The following SNTG1 variants were observed in gnomAD, a reference collection of about 807,000 sequenced individuals.
SNTG1 encodes gamma-1-syntrophin.
In SNTG1, 39 loss-of-function variants were observed where a neutral mutation model predicts 74.7. That is an observed-to-expected ratio of 0.52 (90% CI 0.40 to 0.68). The LOEUF is 0.68. SNTG1 is among the 30% of genes least tolerant of loss of function. The probability of loss-of-function intolerance (pLI) is 0.00; values close to 1 mark genes in which losing one functional copy is unlikely to be tolerated. For missense variants in SNTG1, 685 were observed against 609.5 expected (o/e 1.12, Z -1.30); for synonymous variants, 254 against 217.1 (o/e 1.17, Z -1.49).
At chr8:50,303,110 T>C (rs2089723805) in intron 2 of SNTG1, among the ~76,000 whole-genome samples, 1 of 152,228 alleles carries the variant, frequency 6.6e-6, no homozygotes. Flanking sequence ...ATATTTATGT[T>C]ACTACTTTGA....
chr8:50,667,313 A>C (rs1223433314), intron 15 of SNTG1, among the ~76,000 whole-genome samples: 1 of 152,084 alleles, frequency 6.6e-6, no homozygotes, highest in Admixed American at 6.6e-5. Context: ...AAAAAGTTAC[A>C]TTTTAGGGAG....
intron 8 of SNTG1, among the ~76,000 whole-genome samples, chr8:50,474,141 A>T (rs143817454): frequency 0.041 from 6,270 of 152,124 alleles, 139 homozygotes; most frequent in Middle Eastern, 0.12. Flanking sequence ...AACCTAGGCA[A>T]TACCATTCAG....
intron 12 of SNTG1, among the ~76,000 whole-genome samples, chr8:50,590,333 A>T (rs1374205091): frequency 6.6e-6 from 1 of 152,166 alleles, no homozygotes; most frequent in Non-Finnish European, 1.5e-5. Flanking sequence ...TTTCCATGGC[A>T]TATGACAGAG....
At chr8:50,504,872 C>A (rs2093993303) in intron 9 of SNTG1, among the ~76,000 whole-genome samples, 1 of 152,080 alleles carries the variant, frequency 6.6e-6, no homozygotes, top group Admixed American at 6.5e-5. Flanking sequence ...AATTTACCAT[C>A]TTTACCATTT....
At chr8:50,103,913 A>T (rs183922352) in intron 1 of SNTG1, among the ~76,000 whole-genome samples, 48 of 152,302 alleles carry the variant, frequency 3.2e-4, no homozygotes, top group African/African-American at 1.1e-3. Context: ...GATGAAGCCC[A>T]CTTGATCATG....
At chr8:50,318,668 G>C (rs34770659) in intron 2 of SNTG1, among the ~76,000 whole-genome samples, 72,046 of 152,074 alleles carry the variant, frequency 0.47, 19,480 homozygotes, top group East Asian at 0.83. Context: ...AGAAACTGAA[G>C]CTTTTCTGTC....
At chr8:50,650,845 C>T (rs5023336) in intron 13 of SNTG1, among the ~76,000 whole-genome samples, 31,887 of 151,870 alleles carry the variant, frequency 0.21, 3,701 homozygotes, top group African/African-American at 0.3. Flanking sequence ...GGATTACAAG[C>T]ATCTGCCACC....
At chr8:50,746,633 G>A (rs12682636) in intron 17 of SNTG1, among the ~76,000 whole-genome samples, 15,491 of 151,454 alleles carry the variant, frequency 0.1, 2,215 homozygotes, top group African/African-American at 0.32. Context: ...TAAAACTAAA[G>A]ATATCTAAAT....
intron 1 of SNTG1, among the ~76,000 whole-genome samples, chr8:50,062,420 T>C (rs1195762757): frequency 6.6e-6 from 1 of 152,168 alleles, no homozygotes; most frequent in Non-Finnish European, 1.5e-5. Flanking sequence ...TTTGCTTCTT[T>C]AGGGTTCTGT....
chr8:50,116,128 G>T (rs888652603), intron 1 of SNTG1, among the ~76,000 whole-genome samples: 9 of 151,830 alleles, frequency 5.9e-5, no homozygotes, highest in African/African-American at 1.7e-4. Flanking sequence ...TTATTTCCAG[G>T]TTACATAAAA....
chr8:50,778,536 T>A (rs1438833140), intron 18 of SNTG1, among the ~76,000 whole-genome samples: 4 of 152,120 alleles, frequency 2.6e-5, no homozygotes, highest in African/African-American at 7.3e-5. Context: ...CTTCACCCAC[T>A]TTTTGATGGG....
chr8:50,484,417 G>A (rs1029090863), intron 8 of SNTG1, among the ~76,000 whole-genome samples: 1 of 151,410 alleles, frequency 6.6e-6, no homozygotes, highest in Non-Finnish European at 1.5e-5. Context: ...GTTTCACCAT[G>A]TTGGTCAGGC....
chr8:50,779,625 G>C (rs1329095771), intron 18 of SNTG1, among the ~76,000 whole-genome samples: 1 of 152,054 alleles, frequency 6.6e-6, no homozygotes, highest in Non-Finnish European at 1.5e-5. Flanking sequence ...GGGTTTTCTA[G>C]ATATACAATC....
chr8:50,395,666 G>A (rs1270013320), intron 3 of SNTG1, among the ~76,000 whole-genome samples: 1 of 151,906 alleles, frequency 6.6e-6, no homozygotes, highest in African/African-American at 2.4e-5. Flanking sequence ...ACCACGCCAG[G>A]CTAATTTTTT....
chr8:50,227,078 AT>A lies in SNTG1; in HGVS notation c.-28+54451del, dbSNP rs35912549. On this transcript the variant is annotated intron_variant, in intron 2 of 18. Transcript: ENST00000642720. The stretch of plus-strand genomic sequence containing the variant: ...CATCTGGACACACTGAAAATCAATG[AT>A]TTTTTTTGTACTTACCAATAACCGA... 4.3e-4 allele frequency among the ~76,000 whole-genome samples: 65 copies of A among 152,088 alleles called. No homozygotes were observed. The Middle Eastern group carries it at 0.01, about 24-fold the overall frequency.
At chr8:50,714,718 A>C (rs1311036417) in intron 17 of SNTG1, among the ~76,000 whole-genome samples, 3 of 152,062 alleles carry the variant, frequency 2.0e-5, no homozygotes, top group Non-Finnish European at 4.4e-5. Context: ...ACGTTCCAGG[A>C]GGTGGGTGTG....
chr8:50,439,460 C>T (rs917226247), intron 5 of SNTG1, among the ~76,000 whole-genome samples: 3 of 152,028 alleles, frequency 2.0e-5, no homozygotes, highest in African/African-American at 7.2e-5. Flanking sequence ...TTGTGAACAT[C>T]AGCTCTAGTT....
intron 2 of SNTG1, among the ~76,000 whole-genome samples, chr8:50,247,284 G>A (rs1563794192): frequency 6.6e-6 from 1 of 152,070 alleles, no homozygotes; most frequent in Non-Finnish European, 1.5e-5. Flanking sequence ...CCCATAAACT[G>A]TTCATAAAGC....
In SNTG1 at chr8:50,700,319, A is replaced by G. The variant is rs552413384; in HGVS notation, c.1039-4281A>G. ...AAGGAACACAATCTTTTGAAATGTTATAGGCAGCAAAGGTAGAAACTCTAG... is the reference window on the plus strand; with the variant it reads ...AAGGAACACAATCTTTTGAAATGTTGTAGGCAGCAAAGGTAGAAACTCTAG... On this transcript the variant is annotated intron_variant, in intron 15 of 18. Transcript: ENST00000642720. Among the ~76,000 whole-genome samples the G allele has an allele frequency of 2.6e-5, 4 of 152,344 alleles. 1 individual carries two copies. The South Asian group carries it at 8.3e-4, about 32-fold the overall frequency.
Sources: allele counts gnomAD v4.1 joint callset (sites outside exome capture counted in the v4.1 genomes callset), GRCh38; gene constraint gnomAD v4.1.1; transcripts MANE v1.5; gene names NCBI Gene and HGNC (gene_info 2026-07-23, HGNC 2026-07-21).